ENOX2: variants seen among roughly 807,000 people sequenced by gnomAD.
ENOX2 encodes ecto-NOX disulfide-thiol exchanger 2.
ENOX2 carries 36 observed loss-of-function variants against 45.0 expected under a neutral mutation model. The observed-to-expected ratio is 0.80, with a 90% CI of 0.61 to 1.06. ENOX2 has a LOEUF of 1.06. ENOX2 is among the 50% of genes least tolerant of loss of function. The probability of loss-of-function intolerance (pLI) is 0.00; values close to 1 mark genes in which losing one functional copy is unlikely to be tolerated. For missense variants in ENOX2, 423 were observed against 462.5 expected (o/e 0.91, Z 0.78); for synonymous variants, 174 against 152.3 (o/e 1.14, Z -1.05).
chrX:130,677,344 A>G (rs1307127086), intron 6 of ENOX2, among the ~76,000 whole-genome samples: 1 of 112,194 alleles, frequency 8.9e-6, no homozygotes, highest in East Asian at 2.8e-4. Flanking sequence ...CTACATACTA[A>G]CCCTAAATTC....
rs1401780895 is a variant in ENOX2, at chrX:130,670,099, C to T, written c.560G>A (p.Cys187Tyr). ...CTCTCTGGCTAGCATACGCTGTTTA[C>T]ACTCCCACTCATACAGGTCATCTCG... ...QARDDLYEWECKQRMLAREER... is the reference protein window; with the variant it reads ...QARDDLYEWEYKQRMLAREER... The change falls in exon 7 of 15, where the codon TGT (cysteine) becomes TAT (tyrosine). Residue 187 changes from cysteine (C) to tyrosine (Y), a missense_variant. By Grantham distance (194) the Cys-to-Tyr change is radical. Around this residue, in one of 5 missense-constraint regions of ENOX2, gnomAD observed 261 missense variants for 306.8 expected, o/e 0.85. Transcript: ENST00000394363. 8.3e-7 allele frequency: 1 copy of T among 1,208,357 alleles called. No individual in the cohort carries two copies. The highest frequency in any genetic ancestry group is 1.1e-6 in the Non-Finnish European group (1 of 894,009).
chrX:130,870,904 G>A (rs995589494), intron 2 of ENOX2, among the ~76,000 whole-genome samples: 6 of 108,100 alleles, frequency 5.6e-5, no homozygotes, highest in African/African-American at 2.0e-4. Flanking sequence ...GAGGGAGGGA[G>A]GGAGAGAGAG....
intron 3 of ENOX2, among the ~76,000 whole-genome samples, chrX:130,739,395 G>A (rs1220651107): frequency 1.8e-5 from 2 of 111,943 alleles, no homozygotes; most frequent in African/African-American, 6.5e-5. Context: ...ATATTCGGTG[G>A]GTTACATGTA....
intron 3 of ENOX2, among the ~76,000 whole-genome samples, chrX:130,775,275 GGT>G (rs2039827873): frequency 9.1e-6 from 1 of 110,485 alleles, no homozygotes. Flanking sequence ...AGCTACTTGG[GGT>G]GCTGGGGCAG....
intron 2 of ENOX2, among the ~76,000 whole-genome samples, chrX:130,862,683 G>C (rs2078427839): frequency 9.0e-6 from 1 of 111,044 alleles, no homozygotes; most frequent in Admixed American, 9.6e-5. Context: ...TGTATTTCTA[G>C]CACCTAAAAC....
Position 130,665,744 on chromosome X carries a change from G to A in ENOX2, c.913C>T (p.Gln305Ter). The part of the protein sequence containing the change: ...ALSGILIQFE[Q>*]IVAVYHSASK... ...GCGGAATGGTACACAGCCACTATCT[G>A]CTCAACTGCAGCATCAAATCAGCAG... The change falls in exon 9 of 15, where the codon CAG becomes TAG. Residue 305 changes from glutamine (Q) to a stop codon, truncating the protein, a stop_gained. Transcript: ENST00000394363. LOFTEE classifies it high-confidence loss of function. 8.5e-7 allele frequency: 1 copy of A among 1,170,467 alleles called. No individual in the cohort carries two copies. The highest frequency in any genetic ancestry group is 3.0e-5 in the East Asian group (1 of 33,570).
intron 9 of ENOX2, among the ~76,000 whole-genome samples, chrX:130,659,116 G>A (rs2036619403): frequency 1.8e-5 from 2 of 112,119 alleles, no homozygotes; most frequent in Non-Finnish European, 3.8e-5. Context: ...CCTGTACTGG[G>A]CTGTACACAG....
chrX:130,742,245 CTTTTTTTTTTTTTTTTT>C (rs67776619), intron 3 of ENOX2, among the ~76,000 whole-genome samples: 4 of 60,171 alleles, frequency 6.6e-5, no homozygotes, highest in African/African-American at 2.1e-4. Context: ...AGATAATTTC[CTTTTTTTTTTTTTTTTT>C]TTTTTTTTTT....
chrX:130,632,355 A>C (rs940124641), intron 12 of ENOX2, among the ~76,000 whole-genome samples: 1 of 11,506 alleles, frequency 8.7e-5, no homozygotes, highest in Non-Finnish European at 2.5e-4. Context: ...AGAATGTAGC[A>C]GGAAGGGGCG....
intron 10 of ENOX2, among the ~76,000 whole-genome samples, chrX:130,638,898 A>T (rs1186815928): frequency 9.0e-6 from 1 of 111,279 alleles, no homozygotes; most frequent in East Asian, 2.8e-4. Context: ...GAGGCAGGAG[A>T]ATCGCTTGAA....
intron 2 of ENOX2, among the ~76,000 whole-genome samples, chrX:130,825,198 A>C (rs918558411): frequency 8.9e-6 from 1 of 112,096 alleles, no homozygotes; most frequent in African/African-American, 3.2e-5. Context: ...ATGAATGGAT[A>C]TGTATAGTAA....
At position 130,665,720 on chromosome X, in the gene ENOX2, C is replaced by A. The variant is rs749365956; in HGVS notation, c.937G>T (p.Ala313Ser). The A allele has an allele frequency of 1.7e-6, 2 of 1,200,628 alleles. No individual in the cohort carries two copies. The highest frequency in any genetic ancestry group is 3.6e-5 in the South Asian group (2 of 55,518). ...TGGTCCCATGCCTTCTGCTTGGAGG[C>A]GGAATGGTACACAGCCACTATCTGC... ...FEQIVAVYHS[A>S]SKQKAWDHFT... Residue 313 changes from alanine to serine, a missense_variant, in exon 9 of 15, where the codon GCC becomes TCC. By Grantham distance (99) the Ala-to-Ser change is moderately conservative (BLOSUM62 1). Coordinates refer to ENST00000394363, the MANE Select transcript of ENOX2 (RefSeq NM_006375.4).
intron 2 of ENOX2, among the ~76,000 whole-genome samples, chrX:130,897,429 T>A (rs1040930027): frequency 8.9e-6 from 1 of 112,079 alleles, no homozygotes; most frequent in Non-Finnish European, 1.9e-5. Context: ...GAAAACAGAG[T>A]TATGGCAGGA....
intron 3 of ENOX2, among the ~76,000 whole-genome samples, chrX:130,771,189 T>C (rs1385775684): frequency 8.9e-6 from 1 of 112,536 alleles, no homozygotes; most frequent in Non-Finnish European, 1.9e-5. Context: ...GTGCTTGTTA[T>C]ACGAGTATGC....
intron 3 of ENOX2, among the ~76,000 whole-genome samples, chrX:130,722,884 A>G (rs1475537414): frequency 1.8e-5 from 2 of 112,444 alleles, no homozygotes; most frequent in Admixed American, 1.9e-4. Context: ...TGTAGTAGGT[A>G]CTCAATGAGA....
chrX:130,814,214 G>A (rs1438386970), intron 2 of ENOX2, among the ~76,000 whole-genome samples: 2 of 112,414 alleles, frequency 1.8e-5, no homozygotes, highest in Admixed American at 1.9e-4. Context: ...TCTGGGAAAG[G>A]CATCTCTGAA....
At chrX:130,714,714 T>A (rs1351072139) in intron 3 of ENOX2, among the ~76,000 whole-genome samples, 2 of 111,783 alleles carry the variant, frequency 1.8e-5, no homozygotes, top group Non-Finnish European at 3.8e-5. Context: ...GAAAACTACA[T>A]GTTTTCCTGT....
intron 2 of ENOX2, among the ~76,000 whole-genome samples, chrX:130,860,605 C>T (rs2078393638): frequency 1.8e-5 from 2 of 111,580 alleles, no homozygotes; most frequent in South Asian, 3.8e-4. Context: ...CCCTTTCACA[C>T]ACCATATCCA....
At chrX:130,702,748 T>C (rs1251900431) in intron 4 of ENOX2, among the ~76,000 whole-genome samples, 2 of 112,000 alleles carry the variant, frequency 1.8e-5, no homozygotes, top group African/African-American at 6.5e-5. Context: ...CTAGGAATCT[T>C]AAGATCTTGG....
Sources: allele counts gnomAD v4.1 joint callset (sites outside exome capture counted in the v4.1 genomes callset), GRCh38; gene constraint gnomAD v4.1.1; regional missense constraint gnomAD v4.1.1; transcripts MANE v1.5; gene names NCBI Gene and HGNC (gene_info 2026-07-23, HGNC 2026-07-21).